GRID2: variants seen among roughly 807,000 people sequenced by gnomAD.
GRID2 encodes the protein glutamate ionotropic receptor delta type subunit 2, also known as glutamate receptor ionotropic, delta-2.
Under a neutral mutation model 114.8 loss-of-function variants are expected in GRID2, and 33 were observed. The ratio of observed to expected loss-of-function variants is 0.29; its 90% confidence interval spans 0.22 to 0.38. The LOEUF (loss-of-function observed/expected upper bound fraction) is 0.38, where lower values mean the gene tolerates loss of function less well. Ranked by LOEUF, GRID2 falls within the 10% of genes least tolerant of loss-of-function variation. The pLI, the probability that GRID2 is intolerant of heterozygous loss-of-function variation, is 1.00. For missense variants in GRID2, 1,184 were observed against 1,257.7 expected, an observed-to-expected ratio of 0.94 and a Z score of 0.89; for synonymous variants, 505 against 449.9, an observed-to-expected ratio of 1.12 and a Z score of -1.55.
intron 2 of GRID2, among the ~76,000 whole-genome samples, chr4:92,945,148 C>G (rs1011532033): frequency 3.3e-5 from 5 of 152,126 alleles, no homozygotes; most frequent in Non-Finnish European, 5.9e-5. Context: ...TTTATTGCTT[C>G]TATACATCCT....
intron 1 of GRID2, among the ~76,000 whole-genome samples, chr4:92,469,622 T>C (rs1721924740): frequency 6.6e-6 from 1 of 151,866 alleles, no homozygotes; most frequent in Admixed American, 6.6e-5. Flanking sequence ...AATCCAAGAA[T>C]ACAGAAGGCC....
chr4:92,923,739 A>C (rs928591284), intron 2 of GRID2, among the ~76,000 whole-genome samples: 11 of 152,190 alleles, frequency 7.2e-5, no homozygotes, highest in African/African-American at 2.7e-4. Flanking sequence ...TCACCAGTGA[A>C]GCACATAATG....
intron 4 of GRID2, among the ~76,000 whole-genome samples, chr4:93,116,144 A>C (rs2149357430): frequency 6.6e-6 from 1 of 152,290 alleles, no homozygotes; most frequent in South Asian, 2.1e-4. Flanking sequence ...TTTATATAAC[A>C]CAGTTACACT....
At chr4:92,680,449 T>C (rs1733596508) in intron 2 of GRID2, among the ~76,000 whole-genome samples, 1 of 152,094 alleles carries the variant, frequency 6.6e-6, no homozygotes. Context: ...TGTGCACAAA[T>C]ATTTAAACAC....
chr4:93,202,029 A>G (rs951589389), intron 4 of GRID2, among the ~76,000 whole-genome samples: 1 of 152,058 alleles, frequency 6.6e-6, no homozygotes, highest in Non-Finnish European at 1.5e-5. Flanking sequence ...AGTGGCATCA[A>G]CTCTATATGA....
intron 2 of GRID2, among the ~76,000 whole-genome samples, chr4:92,828,632 AGAT>A (rs2149395885): frequency 1.3e-5 from 2 of 152,230 alleles, no homozygotes; most frequent in South Asian, 4.1e-4. Context: ...AACTAATTAC[AGAT>A]GATAACTTCC....
intron 1 of GRID2, among the ~76,000 whole-genome samples, chr4:92,572,098 G>C (rs931882851): frequency 6.6e-6 from 1 of 151,576 alleles, no homozygotes; most frequent in Non-Finnish European, 1.5e-5. Flanking sequence ...TCCAGGAGCT[G>C]GTTTTTTGAA....
chr4:93,195,064 A>AT (rs549504170), intron 4 of GRID2, among the ~76,000 whole-genome samples: 7 of 152,206 alleles, frequency 4.6e-5, no homozygotes, highest in African/African-American at 1.7e-4. Context: ...TTTTGTTCTA[A>AT]TTTTTTTATG....
chr4:93,308,163 G>A (rs1254279785), intron 8 of GRID2, among the ~76,000 whole-genome samples: 1 of 152,118 alleles, frequency 6.6e-6, no homozygotes, highest in African/African-American at 2.4e-5. Context: ...CCTATGATTG[G>A]AGGGAATTCA....
intron 8 of GRID2, among the ~76,000 whole-genome samples, chr4:93,388,660 A>G (rs968039823): frequency 6.6e-6 from 1 of 152,194 alleles, no homozygotes; most frequent in African/African-American, 2.4e-5. Context: ...ATACTGGAAA[A>G]CTATGGAAAG....
At chr4:93,050,349 T>G (rs895989547) in intron 2 of GRID2, among the ~76,000 whole-genome samples, 12 of 152,070 alleles carry the variant, frequency 7.9e-5, no homozygotes, top group African/African-American at 2.4e-4. Context: ...CCTCGTTGCT[T>G]TTTTAAAAAA....
At chr4:93,708,625 C>T (rs1044502460) in intron 14 of GRID2, among the ~76,000 whole-genome samples, 2 of 151,754 alleles carry the variant, frequency 1.3e-5, no homozygotes, top group African/African-American at 2.4e-5. Context: ...TATTTATCCA[C>T]GCTATGTCTT....
At chr4:92,978,258 C>A (rs570443747) in intron 2 of GRID2, among the ~76,000 whole-genome samples, 10 of 147,780 alleles carry the variant, frequency 6.8e-5, no homozygotes, top group Admixed American at 6.7e-4. Context: ...ATTACTGAAA[C>A]ATTTTTCCAC....
chr4:92,457,874 G>A (rs2149084812), intron 1 of GRID2, among the ~76,000 whole-genome samples: 1 of 152,238 alleles, frequency 6.6e-6, no homozygotes, highest in Admixed American at 6.5e-5. Flanking sequence ...CCCCCTTAAA[G>A]AAATTTCTCT....
At chr4:92,922,737 C>T (rs573090124) in intron 2 of GRID2, among the ~76,000 whole-genome samples, 2 of 152,110 alleles carry the variant, frequency 1.3e-5, no homozygotes, top group South Asian at 4.2e-4. Flanking sequence ...AATGAATCAC[C>T]ACTATACAAA....
intron 13 of GRID2, among the ~76,000 whole-genome samples, chr4:93,538,639 G>A (rs1171200005): frequency 6.6e-6 from 1 of 151,676 alleles, no homozygotes; most frequent in Non-Finnish European, 1.5e-5. Flanking sequence ...ATAGATGGGA[G>A]AGGCATTCCA....
intron 2 of GRID2, among the ~76,000 whole-genome samples, chr4:93,056,887 C>T (rs940350118): frequency 1.1e-4 from 17 of 151,850 alleles, no homozygotes; most frequent in African/African-American, 3.6e-4. Context: ...CAGGTCATTC[C>T]TTTCTTTTAA....
intron 10 of GRID2, among the ~76,000 whole-genome samples, chr4:93,454,378 C>T (rs1044844710): frequency 6.6e-6 from 1 of 151,942 alleles, no homozygotes; most frequent in Non-Finnish European, 1.5e-5. Flanking sequence ...GCTTTAATAT[C>T]TAACTTCTGT....
intron 2 of GRID2, among the ~76,000 whole-genome samples, chr4:92,678,534 A>G (rs1196819784): frequency 1.3e-5 from 2 of 152,010 alleles, no homozygotes; most frequent in Non-Finnish European, 2.9e-5. Context: ...CTACTTGGGT[A>G]TGGAAAGAAG....
Sources: allele counts gnomAD v4.1 joint callset (sites outside exome capture counted in the v4.1 genomes callset), GRCh38; gene constraint gnomAD v4.1.1; transcripts MANE v1.5; gene names NCBI Gene and HGNC (gene_info 2026-07-23, HGNC 2026-07-21).